The following MYT1L variants were observed in gnomAD, a reference collection of about 807,000 sequenced individuals.
MYT1L encodes the protein myelin transcription factor 1-like protein.
Under a neutral mutation model 126.7 loss-of-function variants are expected in MYT1L, and 12 were observed. The ratio of observed to expected loss-of-function variants is 0.09; its 90% CI spans 0.06 to 0.15. The LOEUF is 0.15. Among genes scored for constraint, MYT1L ranks in the 10% least tolerant of loss-of-function variants. MYT1L has a pLI of 1.00. For missense variants in MYT1L, 979 were observed against 1,585.2 expected (o/e 0.62, Z 6.49); for synonymous variants, 541 against 604.2 (o/e 0.90, Z 1.53).
At chr2:1,986,524 G>T (rs983050493) in intron 5 of MYT1L, among the ~76,000 whole-genome samples, 8 of 152,168 alleles carry the variant, frequency 5.3e-5, no homozygotes, top group South Asian at 2.1e-4. Flanking sequence ...AGTCTCAAAG[G>T]CTTCGAAGAT....
intron 1 of MYT1L, among the ~76,000 whole-genome samples, chr2:2,315,379 A>G (rs1220134155): frequency 6.6e-6 from 1 of 152,148 alleles, no homozygotes; most frequent in African/African-American, 2.4e-5. Flanking sequence ...TTCTCTGTCT[A>G]TGAAAAGCTT....
chr2:2,085,803 T>TCGAC (rs1386807816), intron 3 of MYT1L, among the ~76,000 whole-genome samples: 2 of 152,174 alleles, frequency 1.3e-5, no homozygotes, highest in Non-Finnish European at 2.9e-5. Flanking sequence ...GGTGCTGGAA[T>TCGAC]CGACCCACAC....
chr2:2,266,657 C>A (rs2095137145), intron 2 of MYT1L, among the ~76,000 whole-genome samples: 1 of 152,046 alleles, frequency 6.6e-6, no homozygotes, highest in Admixed American at 6.5e-5. Context: ...TGTCCCCACC[C>A]AAATCTCATC....
intron 3 of MYT1L, among the ~76,000 whole-genome samples, chr2:2,165,145 T>C (rs955371007): frequency 1.3e-5 from 2 of 152,196 alleles, no homozygotes; most frequent in African/African-American, 2.4e-5. Flanking sequence ...AATTAGTATT[T>C]CCTTAAGTTG....
At chr2:1,853,418 A>C (rs2043523591) in intron 18 of MYT1L, among the ~76,000 whole-genome samples, 1 of 152,190 alleles carries the variant, frequency 6.6e-6, no homozygotes, top group South Asian at 2.1e-4. Context: ...TTAAAGTTTG[A>C]TCGTAAGACT....
At chr2:2,038,032 A>G (rs1270555716) in intron 4 of MYT1L, among the ~76,000 whole-genome samples, 1 of 152,148 alleles carries the variant, frequency 6.6e-6, no homozygotes, top group Non-Finnish European at 1.5e-5. Flanking sequence ...AGGAGGAGCT[A>G]TGTCTTGGTG....
intron 2 of MYT1L, among the ~76,000 whole-genome samples, chr2:2,266,854 T>C (rs950750249): frequency 6.6e-6 from 1 of 152,250 alleles, no homozygotes; most frequent in Admixed American, 6.5e-5. Context: ...ATGTAAGATG[T>C]GACTTTGCTT....
chr2:1,979,076 C>A lies in MYT1L; in HGVS notation c.152+89G>T. ...CATAATGTGTATTGCTTTCCAAGAA[C>A]ACCTGCTCACACAGTTCATCATCAG... is the stretch of plus-strand genomic sequence containing the variant. On this transcript the variant is annotated intron_variant, in intron 8 of 24. Coordinates refer to ENST00000647738, the MANE Select transcript of MYT1L (RefSeq NM_001303052.2). The surrounding 1 kb of genome is among the most constrained non-coding windows in gnomAD (Gnocchi z 4.0). 1 of 1,033,502 alleles carries A rather than the reference C, an allele frequency of 9.7e-7. No individual in the cohort carries two copies. The highest frequency in any genetic ancestry group is 1.4e-5 in the South Asian group (1 of 70,680). The allele number at this position is 1,033,502 out of a possible 1,614,324, so 64.0% of individuals were successfully genotyped here.
At chr2:2,201,488 A>G in intron 2 of MYT1L, among the ~76,000 whole-genome samples, 1 of 152,142 alleles carries the variant, frequency 6.6e-6, no homozygotes, top group East Asian at 1.9e-4. Context: ...TCACGAGGTC[A>G]AGAGTTTGAG....
At chr2:1,907,832 G>C (rs2051294819) in intron 13 of MYT1L, among the ~76,000 whole-genome samples, 1 of 152,370 alleles carries the variant, frequency 6.6e-6, no homozygotes, top group East Asian at 1.9e-4. Context: ...CAGACATGCT[G>C]GGACAGGGAC....
At chr2:2,119,702 G>T (rs763367980) in intron 3 of MYT1L, among the ~76,000 whole-genome samples, 8 of 151,982 alleles carry the variant, frequency 5.3e-5, no homozygotes, top group African/African-American at 1.2e-4. Flanking sequence ...ATCATGATTC[G>T]CATTAATACA....
chr2:1,986,071 T>A (rs2060995208), intron 5 of MYT1L, among the ~76,000 whole-genome samples: 1 of 152,214 alleles, frequency 6.6e-6, no homozygotes. Flanking sequence ...CAGGTGGACG[T>A]CCTGACGGAA....
chr2:2,144,689 T>G (rs1177518078), intron 3 of MYT1L, among the ~76,000 whole-genome samples: 1 of 152,156 alleles, frequency 6.6e-6, no homozygotes, highest in African/African-American at 2.4e-5. Context: ...GGACATGCCC[T>G]GGGTAGATAC....
intron 3 of MYT1L, among the ~76,000 whole-genome samples, chr2:2,092,796 G>A (rs532521635): frequency 1.3e-5 from 2 of 152,198 alleles, no homozygotes; most frequent in Admixed American, 6.5e-5. Flanking sequence ...GCACTTGGGG[G>A]CTGTTGTAAG....
chr2:2,156,875 G>A (rs534029702), intron 3 of MYT1L, among the ~76,000 whole-genome samples: 7 of 152,336 alleles, frequency 4.6e-5, no homozygotes, highest in African/African-American at 1.2e-4. Flanking sequence ...AGGTCTCGAG[G>A]GAGACTGAGG....
chr2:2,078,873 G>A (rs1009292890), intron 3 of MYT1L, among the ~76,000 whole-genome samples: 1 of 152,172 alleles, frequency 6.6e-6, no homozygotes, highest in Admixed American at 6.5e-5. Context: ...AAACGTTTGT[G>A]TTTCCCCAAA....
chr2:2,005,262 A>AATG (rs1184082750), intron 4 of MYT1L, among the ~76,000 whole-genome samples: 1 of 9,918 alleles, frequency 1.0e-4, no homozygotes, highest in Admixed American at 1.1e-3. Flanking sequence ...TTTCCTGCAT[A>AATG]CGTTCTTTCC....
intron 21 of MYT1L, among the ~76,000 whole-genome samples, chr2:1,813,177 G>GT (rs2148034694): frequency 6.6e-6 from 1 of 152,328 alleles, no homozygotes; most frequent in Non-Finnish European, 1.5e-5. Flanking sequence ...GGAGCTGCAG[G>GT]TGGGGGGGAG....
At chr2:1,822,339 G>A (rs1185976901) in intron 21 of MYT1L, among the ~76,000 whole-genome samples, 1 of 152,224 alleles carries the variant, frequency 6.6e-6, no homozygotes, top group Non-Finnish European at 1.5e-5. Flanking sequence ...AGTCTGCAGA[G>A]CTTGGCTAGG....
Sources: allele counts gnomAD v4.1 joint callset (sites outside exome capture counted in the v4.1 genomes callset), GRCh38; gene constraint gnomAD v4.1.1; non-coding constraint Gnocchi (gnomAD v3.1); transcripts MANE v1.5; gene names NCBI Gene and HGNC (gene_info 2026-07-23, HGNC 2026-07-21).